The following CTNNA3 variants were observed in gnomAD, a reference collection of about 807,000 sequenced individuals.
The protein encoded by CTNNA3 is catenin alpha 3, also known as catenin alpha-3.
A neutral mutation model predicts 95.7 loss-of-function variants in CTNNA3; 76 were observed. The observed-to-expected ratio is 0.79, with a 90% confidence interval of 0.66 to 0.96. The LOEUF (loss-of-function observed/expected upper bound fraction) is 0.96. CTNNA3 is among the 40% of genes least tolerant of loss of function. CTNNA3 has a pLI of 0.00. For synonymous variants in CTNNA3, 431 were observed against 374.4 expected, an observed-to-expected ratio of 1.15 and a Z score of -1.74; for missense variants, 1,191 against 1,089.8, an observed-to-expected ratio of 1.09 and a Z score of -1.31.
chr10:65,991,939 T>C (rs920922509), intron 15 of CTNNA3, among the ~76,000 whole-genome samples: 2 of 152,098 alleles, frequency 1.3e-5, no homozygotes, highest in Non-Finnish European at 2.9e-5. Flanking sequence ...ATCTACTTTC[T>C]TGAGAGTTTT....
chr10:66,564,523 G>A (rs72799213), intron 10 of CTNNA3, among the ~76,000 whole-genome samples: 1 of 152,250 alleles, frequency 6.6e-6, no homozygotes, highest in Non-Finnish European at 1.5e-5. Flanking sequence ...TTGCCCCATT[G>A]CTTAACTACT....
At chr10:66,745,755 A>ATTTTT (rs34185477) in intron 9 of CTNNA3, among the ~76,000 whole-genome samples, 5 of 128,212 alleles carry the variant, frequency 3.9e-5, no homozygotes, top group Non-Finnish European at 4.9e-5. Context: ...ACACCTCGCT[A>ATTTTT]TTTTTTTTTT....
chr10:66,812,152 G>T (rs530550132), intron 7 of CTNNA3, among the ~76,000 whole-genome samples: 162 of 152,212 alleles, frequency 1.1e-3, no homozygotes, highest in Non-Finnish European at 1.2e-3. Context: ...AGTAGTTTAA[G>T]TGGAGAAATG....
At chr10:67,094,360 G>A (rs1163188510) in intron 7 of CTNNA3, among the ~76,000 whole-genome samples, 5 of 151,566 alleles carry the variant, frequency 3.3e-5, no homozygotes, top group African/African-American at 1.2e-4. Flanking sequence ...AGTGAACTAG[G>A]TCTTTTAAAT....
At chr10:66,942,096 A>T (rs1426261267) in intron 7 of CTNNA3, among the ~76,000 whole-genome samples, 2 of 152,184 alleles carry the variant, frequency 1.3e-5, no homozygotes, top group East Asian at 3.9e-4. Flanking sequence ...TTCATGTCCC[A>T]GCACAATTTT....
chr10:66,660,164 A>G (rs944781522), intron 9 of CTNNA3, among the ~76,000 whole-genome samples: 22 of 152,080 alleles, frequency 1.4e-4, no homozygotes, highest in African/African-American at 5.3e-4. Context: ...ACCTATGCAC[A>G]TGGGTTCCAA....
intron 9 of CTNNA3, among the ~76,000 whole-genome samples, chr10:66,691,494 G>A (rs1186720167): frequency 1.2e-4 from 19 of 152,188 alleles, no homozygotes; most frequent in Admixed American, 1.2e-3. Flanking sequence ...AGCTCAAGGA[G>A]GCCTGCCTGC....
chr10:66,837,600 C>T (rs1289166923), intron 7 of CTNNA3: 1 of 152,070 alleles, frequency 6.6e-6, no homozygotes, highest in African/African-American at 2.4e-5. Context: ...TGCAAGGACC[C>T]ACTCACTTAA....
chr10:66,468,458 G>T (rs939280372), intron 11 of CTNNA3, among the ~76,000 whole-genome samples: 2 of 151,850 alleles, frequency 1.3e-5, no homozygotes, highest in Non-Finnish European at 2.9e-5. Context: ...ATTTAAAAGG[G>T]AGTCATGGGT....
At chr10:66,092,515 A>G (rs994020483) in intron 14 of CTNNA3, among the ~76,000 whole-genome samples, 2 of 151,920 alleles carry the variant, frequency 1.3e-5, no homozygotes, top group South Asian at 2.1e-4. Flanking sequence ...TTTTCTTCTC[A>G]GAACTTCTCT....
chr10:66,461,787 C>T (rs1043484789), intron 11 of CTNNA3, among the ~76,000 whole-genome samples: 16 of 149,696 alleles, frequency 1.1e-4, no homozygotes. Context: ...CCTTCTACTG[C>T]TGAAGTAATA....
At chr10:67,504,147 AC>A (rs1839342057) in intron 5 of CTNNA3, among the ~76,000 whole-genome samples, 1 of 122,744 alleles carries the variant, frequency 8.1e-6, no homozygotes, top group African/African-American at 3.2e-5. Flanking sequence ...ACAGAGCAAG[AC>A]TCCGTCTCAA....
intron 5 of CTNNA3, among the ~76,000 whole-genome samples, chr10:67,442,059 G>A (rs528813811): frequency 5.8e-4 from 89 of 152,242 alleles, no homozygotes; most frequent in Non-Finnish European, 8.4e-4. Flanking sequence ...ACAACCAAAT[G>A]ATAAAAAGCA....
intron 6 of CTNNA3, among the ~76,000 whole-genome samples, chr10:67,189,509 G>A (rs1863022026): frequency 6.9e-6 from 1 of 145,908 alleles, no homozygotes; most frequent in African/African-American, 2.6e-5. Flanking sequence ...GTGAGGTAGT[G>A]CATATGTTAG....
chr10:67,725,715 C>A (rs960396532), intron 1 of CTNNA3, among the ~76,000 whole-genome samples: 1 of 151,562 alleles, frequency 6.6e-6, no homozygotes, highest in African/African-American at 2.4e-5. Flanking sequence ...AGGAGAAGAG[C>A]TTATGCCAAA....
At chr10:67,480,529 C>T (rs866481365) in intron 5 of CTNNA3, among the ~76,000 whole-genome samples, 2 of 152,306 alleles carry the variant, frequency 1.3e-5, no homozygotes, top group East Asian at 3.9e-4. Context: ...CCTGGCCCAC[C>T]CAGGGCAGAA....
chr10:66,032,859 G>C (rs2079475449), intron 15 of CTNNA3, among the ~76,000 whole-genome samples: 1 of 152,116 alleles, frequency 6.6e-6, no homozygotes, highest in African/African-American at 2.4e-5. Context: ...CAATGGCCTG[G>C]TGTAGTTGGT....
chr10:67,666,103 G>A (rs779365206), intron 1 of CTNNA3, among the ~76,000 whole-genome samples: 35 of 152,232 alleles, frequency 2.3e-4, no homozygotes, highest in Middle Eastern at 3.4e-3. Flanking sequence ...TTTAGATTCA[G>A]GAAGTACTTG....
chr10:67,374,059 T>C (rs983781651), intron 5 of CTNNA3, among the ~76,000 whole-genome samples: 8 of 152,224 alleles, frequency 5.3e-5, no homozygotes, highest in Non-Finnish European at 5.9e-5. Context: ...GTGCACATTT[T>C]AAAAACTTTC....
Sources: gnomAD v4.1 joint callset for allele counts (sites outside exome capture counted in the v4.1 genomes callset) on GRCh38, gnomAD v4.1.1 for gene constraint, MANE v1.5 for transcripts, NCBI Gene and HGNC (gene_info 2026-07-23, HGNC 2026-07-21) for gene names.